The following MFN2 variants were observed in gnomAD, a reference collection of about 807,000 sequenced individuals.
The protein encoded by MFN2 is mitofusin-2.
In MFN2, 43 loss-of-function variants were observed where a neutral mutation model predicts 87.5. That is an observed-to-expected ratio of 0.49 (90% CI 0.38 to 0.63). The LOEUF (loss-of-function observed/expected upper bound fraction) is 0.63, where lower values mean the gene tolerates loss of function less well. Ranked by LOEUF, MFN2 falls within the 30% of genes least tolerant of loss-of-function variation. MFN2 has a pLI of 0.00. For missense variants in MFN2, 743 were observed against 972.8 expected, an observed-to-expected ratio of 0.76 and a Z score of 3.14; for synonymous variants, 337 against 359.9, an observed-to-expected ratio of 0.94 and a Z score of 0.72.
rs1638568886 is a variant in MFN2 at position 11,989,298 on chromosome 1, G to C, written c.130G>C (p.Glu44Gln). The C allele has an allele frequency of 6.2e-7, 1 of 1,613,920 alleles. No homozygotes were observed. The highest frequency in any genetic ancestry group is 1.7e-5 in the Admixed American group (1 of 59,976). ...CAAGAAGAAGATCAATGGCATTTTT[G>C]AGCAGCTGGGGGCCTACATCCAGGA... ...TAKKKINGIF[E>Q]QLGAYIQESA... The change falls in exon 3 of 19, where the codon GAG becomes CAG. Residue 44 changes from glutamate to glutamine, a missense_variant. Coordinates refer to ENST00000235329, the MANE Select transcript of MFN2 (RefSeq NM_014874.4).
At position 12,001,796 on chromosome 1, in the gene MFN2, T is replaced by C. The variant is rs540430409; in HGVS notation, c.998T>C (p.Val333Ala). The change falls in exon 10 of 19, where the codon GTG becomes GCG. Residue 333 changes from valine to alanine, a missense_variant. By Grantham distance (64) the Val-to-Ala change is moderately conservative. Coordinates refer to ENST00000235329, the MANE Select transcript of MFN2 (RefSeq NM_014874.4). ...GGCGCTCTCGCAGAAGGCTTTCAAG[T>C]GAGGATGTTTGAGTTTCAGAATTTT... The part of the protein sequence containing the change: ...GGGALAEGFQ[V>A]RMFEFQNFER... 1 of 1,614,104 alleles carries C rather than the reference T, an allele frequency of 6.2e-7. No homozygotes were observed. The highest frequency in any genetic ancestry group is 1.1e-5 in the South Asian group (1 of 91,084).
At chr1:12,009,752 G>GTTAGGGCTC in intron 18 of MFN2, 26 bp downstream of exon 18, 1 of 1,614,036 alleles carries the variant, frequency 6.2e-7, no homozygotes, top group Non-Finnish European at 8.5e-7. Flanking sequence ...GTGGCCAAAG[G>GTTAGGGCTC]TTAGGGCTCC....
Position 12,009,588 on chromosome 1 carries a change from C to T in MFN2, c.2070-4C>T, listed in dbSNP as rs762750555. On this transcript the variant is annotated splice_region_variant and splice_polypyrimidine_tract_variant and intron_variant, in intron 17 of 18. Coordinates refer to ENST00000235329, the MANE Select transcript of MFN2 (RefSeq NM_014874.4). ...CAACTGGGTCCCTTCTCTCTCCTCC[C>T]CAGGGAACTGTCTGGGACCTTTGCT... is the stretch of plus-strand genomic sequence containing the variant. 6.2e-7 allele frequency: 1 copy of T among 1,614,238 alleles called. No homozygotes were observed. The highest frequency in any genetic ancestry group is 8.5e-7 in the Non-Finnish European group (1 of 1,180,042).
Position 11,992,552 on chromosome 1 carries a change from C to T in MFN2, c.176-3C>T, listed in dbSNP as rs975369655. 6.2e-7 allele frequency: 1 copy of T among 1,614,182 alleles called. No individual in the cohort carries two copies. The highest frequency in any genetic ancestry group is 8.5e-7 in the Non-Finnish European group (1 of 1,180,030). On this transcript the variant is annotated splice_region_variant and splice_polypyrimidine_tract_variant and intron_variant, in intron 3 of 18. Transcript: ENST00000235329. ...GTGACCCATTTTCAATCCCCACCTCCAGACACGTACAGGAATGCAGAACTG... is the reference window on the plus strand; with the variant it reads ...GTGACCCATTTTCAATCCCCACCTCTAGACACGTACAGGAATGCAGAACTG...
intron 9 of MFN2, 89 bp downstream of exon 9, chr1:12,001,643 G>A (rs1214157263): frequency 3.1e-6 from 5 of 1,604,676 alleles, no homozygotes; most frequent in East Asian, 4.5e-5. Context: ...AAATCCTTCT[G>A]AGAAGGGGAT....
At chr1:11,983,417 A>C (rs946619013) in intron 2 of MFN2, among the ~76,000 whole-genome samples, 2 of 152,198 alleles carry the variant, frequency 1.3e-5, no homozygotes, top group African/African-American at 2.4e-5. Flanking sequence ...AACCTTCTTT[A>C]CATGGGATAT....
In MFN2 at chr1:12,003,886, C is replaced by T; in HGVS notation, c.1161-106C>T. 1 of 1,491,364 alleles carries T rather than the reference C, an allele frequency of 6.7e-7. No individual in the cohort carries two copies. The highest frequency in any genetic ancestry group is 9.3e-7 in the Non-Finnish European group (1 of 1,073,116). The allele number at this position is 1,491,364 out of a possible 1,614,324, so 92.4% of individuals were successfully genotyped here. A position where few individuals can be genotyped will look rare whatever the true frequency, so the allele number is the denominator to read the frequency against. ...CCCTGGGTGCGTGTGTGCAGCCCTG[C>T]CAGGCAAGATAGCGGGCAGGGCGGC... On this transcript the variant is annotated intron_variant, in intron 11 of 18. Coordinates refer to ENST00000235329, the MANE Select transcript of MFN2 (RefSeq NM_014874.4). The surrounding 1 kb of genome is among the most constrained non-coding windows in gnomAD (Gnocchi z 4.1).
rs1553140706 is a variant in MFN2 at position 11,988,084 on chromosome 1, T to TGTG, written c.-4-1081_-4-1080insGTG. Among the ~76,000 whole-genome samples, 1,356 of 144,010 alleles carry TGTG rather than the reference T, an allele frequency of 9.4e-3. 31 individuals are homozygous for TGTG. The East Asian group carries it at 0.094, about 10-fold the overall frequency. 94.5% of individuals were successfully genotyped at this position (144,010 alleles called of 152,430 possible). ...CTATACTAAAATAGACCAATAGTTT[T>TGTG]TGTGTGTGTGTGTGTGTGTGTGTGT... On this transcript the variant is annotated intron_variant, in intron 2 of 18. Coordinates refer to ENST00000235329, the MANE Select transcript of MFN2 (RefSeq NM_014874.4).
Position 12,003,149 on chromosome 1 carries a change from T to C in MFN2, c.1161-843T>C, listed in dbSNP as rs1639250181. Among the ~76,000 whole-genome samples the C allele has an allele frequency of 6.6e-6, 1 of 152,184 alleles. No homozygotes were observed. Among genetic ancestry groups the C allele is most frequent in the South Asian group, 2.1e-4 (1 of 4,828 alleles). On this transcript the variant is annotated intron_variant, in intron 11 of 18. Coordinates refer to ENST00000235329, the MANE Select transcript of MFN2 (RefSeq NM_014874.4). The surrounding 1 kb of genome is among the most constrained non-coding windows in gnomAD (Gnocchi z 4.1). ...TGTTCATGTGTCCCCTTGTGCACCT[T>C]TTTAAGAGTCTTCCTGGGGTGAGTT...
Position 12,007,136 on chromosome 1 carries a change from G to A in MFN2, c.1956G>A (p.Trp652Ter). 6.2e-7 allele frequency: 1 copy of A among 1,614,218 alleles called. No individual in the cohort carries two copies. Among genetic ancestry groups the A allele is most frequent in the Non-Finnish European group, 8.5e-7 (1 of 1,180,056 alleles). Residue 652 changes from tryptophan to a stop codon, truncating the protein, a stop_gained, in exon 17 of 19, where the codon TGG (tryptophan) becomes TGA (stop). Coordinates refer to ENST00000235329, the MANE Select transcript of MFN2 (RefSeq NM_014874.4). LOFTEE classifies it high-confidence loss of function. ...TCTACGTCTATGAGCGTCTGACCTG[G>A]ACCACCAAGGCCAAGGAGAGGGCCT... ...GLLYVYERLT[W>*]TTKAKERAFK... is the part of the protein sequence containing the mutation.
intron 2 of MFN2, among the ~76,000 whole-genome samples, chr1:11,987,808 G>A (rs1638486867): frequency 6.6e-6 from 1 of 151,948 alleles, no homozygotes; most frequent in Non-Finnish European, 1.5e-5. Context: ...AAAATTAGTG[G>A]GGCGTGGTGG....
intron 18 of MFN2, among the ~76,000 whole-genome samples, chr1:12,011,025 GCC>G (rs148861219): frequency 6.6e-6 from 1 of 151,354 alleles, no homozygotes; most frequent in African/African-American, 2.4e-5. Flanking sequence ...CTGCGGATGT[GCC>G]CCCCCCGCAC....
intron 2 of MFN2, among the ~76,000 whole-genome samples, chr1:11,987,389 G>A (rs997092064): frequency 6.6e-6 from 1 of 150,690 alleles, no homozygotes; most frequent in African/African-American, 2.4e-5. Flanking sequence ...CAGCACTTTC[G>A]GAGGACAAGG....
At chr1:12,006,926 A>G in intron 16 of MFN2, 127 bp from the exon 17 acceptor site, 1 of 1,337,238 alleles carries the variant, frequency 7.5e-7, no homozygotes, top group Non-Finnish European at 1.1e-6. Flanking sequence ...ACATTGAAAG[A>G]GGAACTCAGA....
At chr1:11,996,475 G>A (rs1638912116) in intron 5 of MFN2, among the ~76,000 whole-genome samples, 157 bp downstream of exon 5, 1 of 152,200 alleles carries the variant, frequency 6.6e-6, no homozygotes, top group Admixed American at 6.5e-5. Context: ...GGATGTAAGA[G>A]CTTTTGGGGG....
chr1:11,992,246 A>G (rs1638717888), intron 3 of MFN2: 1 of 403,854 alleles, frequency 2.5e-6, no homozygotes, highest in Admixed American at 3.8e-5. Context: ...CTCATGAAGT[A>G]GATAATGTAG....
At chr1:12,005,375 C>G (rs1438764413) in intron 14 of MFN2, among the ~76,000 whole-genome samples, 1 of 152,216 alleles carries the variant, frequency 6.6e-6, no homozygotes, top group African/African-American at 2.4e-5. Flanking sequence ...GAGCCACCGG[C>G]CCTGGCCTTG....
Position 12,009,740 on chromosome 1 carries a change from G to C in MFN2, c.2204+14G>C, listed in dbSNP as rs757577429. The C allele has an allele frequency of 6.2e-7, 1 of 1,613,990 alleles. No homozygotes were observed. The highest frequency in any genetic ancestry group is 8.5e-7 in the Non-Finnish European group (1 of 1,180,004). ...AAAGCTGCTCAGGTGAGGCTGGCCC[G>C]TGTGGCCAAAGGTTAGGGCTCCAGG... On this transcript the variant is annotated intron_variant, in intron 18 of 18. Coordinates refer to ENST00000235329, the MANE Select transcript of MFN2 (RefSeq NM_014874.4).
At chr1:12,005,346 G>A (rs1341897131) in intron 14 of MFN2, among the ~76,000 whole-genome samples, 1 of 152,248 alleles carries the variant, frequency 6.6e-6, no homozygotes, top group Non-Finnish European at 1.5e-5. Context: ...GCCTTCCAAA[G>A]TGCTAGGATT....
Sources: gnomAD v4.1 joint callset for allele counts (sites outside exome capture counted in the v4.1 genomes callset) on GRCh38, gnomAD v4.1.1 for gene constraint, Gnocchi (gnomAD v3.1) non-coding constraint, MANE v1.5 for transcripts, NCBI Gene and HGNC (gene_info 2026-07-23, HGNC 2026-07-21) for gene names.